CSMD1: variants seen among roughly 807,000 people sequenced by gnomAD.
CSMD1 encodes the protein CUB and Sushi multiple domains 1, also known as CUB and sushi domain-containing protein 1.
In CSMD1, 213 loss-of-function variants were observed where a neutral mutation model predicts 417.5. The ratio of observed to expected loss-of-function variants is 0.51; its 90% CI spans 0.46 to 0.57. CSMD1 has a LOEUF of 0.57. Among genes scored for constraint, CSMD1 ranks in the 20% least tolerant of loss-of-function variants. The pLI, the probability that CSMD1 is intolerant of heterozygous loss-of-function variation, is 0.00. For missense variants in CSMD1, 6,923 were observed against 4,529.7 expected (o/e 1.53, Z -15.17); for synonymous variants, 2,862 against 1,736.8 (o/e 1.65, Z -16.11).
chr8:4,323,362 T>C (rs764061313), intron 3 of CSMD1, among the ~76,000 whole-genome samples: 9 of 152,164 alleles, frequency 5.9e-5, no homozygotes, highest in Non-Finnish European at 1.3e-4. Context: ...TATAAACTTA[T>C]GTTCTTTCCT....
intron 5 of CSMD1, among the ~76,000 whole-genome samples, chr8:3,934,128 C>T (rs185774217): frequency 6.6e-6 from 1 of 152,218 alleles, no homozygotes; most frequent in East Asian, 1.9e-4. Flanking sequence ...TGATTACCCA[C>T]TTCACAAAAA....
At chr8:4,656,597 A>G (rs965420209) in intron 1 of CSMD1, among the ~76,000 whole-genome samples, 2 of 151,536 alleles carry the variant, frequency 1.3e-5, no homozygotes, top group Non-Finnish European at 2.9e-5. Context: ...AATTAGTTGA[A>G]TTTACTATGG....
intron 5 of CSMD1, among the ~76,000 whole-genome samples, chr8:3,854,173 C>G (rs1448743386): frequency 7.3e-6 from 1 of 137,444 alleles, no homozygotes; most frequent in Non-Finnish European, 1.5e-5. Context: ...AAAAAAAAAA[C>G]ACGTCTTGGA....
chr8:3,926,399 G>A (rs1379349782), intron 5 of CSMD1, among the ~76,000 whole-genome samples: 7 of 149,292 alleles, frequency 4.7e-5, no homozygotes, highest in South Asian at 2.1e-4. Flanking sequence ...GATTTTTTCT[G>A]TCTTTTGTTG....
intron 10 of CSMD1, among the ~76,000 whole-genome samples, chr8:3,540,134 C>T (rs998419086): frequency 6.6e-6 from 1 of 152,076 alleles, no homozygotes; most frequent in Non-Finnish European, 1.5e-5. Context: ...AGTTTCAATA[C>T]TTGGAAATTA....
At chr8:3,606,479 G>C (rs1020411393) in intron 8 of CSMD1, among the ~76,000 whole-genome samples, 2 of 146,860 alleles carry the variant, frequency 1.4e-5, no homozygotes, top group East Asian at 2.0e-4. Flanking sequence ...TGGTATGAAA[G>C]ACGGAAGATG....
chr8:3,593,124 T>C (rs996801234), intron 8 of CSMD1, among the ~76,000 whole-genome samples: 3 of 152,218 alleles, frequency 2.0e-5, no homozygotes, highest in East Asian at 3.9e-4. Flanking sequence ...CCAGAACTTG[T>C]CACTGGAGCT....
At chr8:4,676,759 A>G (rs961173549) in intron 1 of CSMD1, among the ~76,000 whole-genome samples, 1 of 151,904 alleles carries the variant, frequency 6.6e-6, no homozygotes, top group Non-Finnish European at 1.5e-5. Context: ...GTTTGTTCTT[A>G]GCCCACCAAA....
intron 49 of CSMD1, among the ~76,000 whole-genome samples, chr8:3,069,762 G>A (rs908642420): frequency 6.6e-6 from 1 of 152,302 alleles, no homozygotes; most frequent in African/African-American, 2.4e-5. Flanking sequence ...CCACTAAGCA[G>A]TGCCCCATTG....
At chr8:3,241,420 T>C (rs1274240030) in intron 26 of CSMD1, among the ~76,000 whole-genome samples, 2 of 152,120 alleles carry the variant, frequency 1.3e-5, no homozygotes, top group Non-Finnish European at 2.9e-5. Flanking sequence ...GAGAGTTACC[T>C]AAAGCTCGGC....
intron 6 of CSMD1, among the ~76,000 whole-genome samples, chr8:3,749,163 A>C (rs1278878744): frequency 3.3e-5 from 5 of 152,236 alleles, no homozygotes; most frequent in Admixed American, 1.3e-4. Flanking sequence ...GATTGTGCTT[A>C]CAAGGCACTT....
chr8:3,966,158 G>A (rs531997526), intron 5 of CSMD1, among the ~76,000 whole-genome samples: 2 of 152,090 alleles, frequency 1.3e-5, no homozygotes, highest in Non-Finnish European at 2.9e-5. Flanking sequence ...TCAGTTAATA[G>A]GACGGCAAAG....
chr8:4,426,501 T>G (rs1269461131), intron 2 of CSMD1, among the ~76,000 whole-genome samples: 1 of 147,784 alleles, frequency 6.8e-6, no homozygotes, highest in African/African-American at 2.5e-5. Flanking sequence ...AGTAAAGTTT[T>G]TATATATTTT....
chr8:4,583,035 A>C (rs1799506288), intron 2 of CSMD1, among the ~76,000 whole-genome samples: 2 of 152,106 alleles, frequency 1.3e-5, no homozygotes, highest in African/African-American at 4.8e-5. Flanking sequence ...GCTGTGCTCG[A>C]CTTCTCACCC....
At chr8:3,770,040 T>G (rs973105806) in intron 5 of CSMD1, among the ~76,000 whole-genome samples, 3 of 152,226 alleles carry the variant, frequency 2.0e-5, no homozygotes, top group African/African-American at 7.2e-5. Flanking sequence ...CTACCTTTGC[T>G]GTGATTCCTG....
At chr8:4,244,460 C>G (rs1407201251) in intron 3 of CSMD1, among the ~76,000 whole-genome samples, 1 of 151,868 alleles carries the variant, frequency 6.6e-6, no homozygotes, top group Non-Finnish European at 1.5e-5. Flanking sequence ...TTTAAAAAGC[C>G]AAAGTTATAA....
chr8:4,755,265 T>C (rs1811596515), intron 1 of CSMD1, among the ~76,000 whole-genome samples: 1 of 152,252 alleles, frequency 6.6e-6, no homozygotes, highest in African/African-American at 2.4e-5. Flanking sequence ...ACAATATTTA[T>C]GACTTTGCCT....
chr8:3,885,061 A>C (rs1806464867), intron 5 of CSMD1, among the ~76,000 whole-genome samples: 1 of 151,934 alleles, frequency 6.6e-6, no homozygotes, highest in South Asian at 2.1e-4. Context: ...CTATGATTCT[A>C]CCATGCTTAT....
chr8:4,024,405 G>A (rs967432328), intron 4 of CSMD1, among the ~76,000 whole-genome samples: 2 of 152,044 alleles, frequency 1.3e-5, no homozygotes, highest in Admixed American at 6.6e-5. Context: ...TACTTTCATG[G>A]GAAAACTTTA....
Sources: allele counts gnomAD v4.1 joint callset (sites outside exome capture counted in the v4.1 genomes callset), GRCh38; gene constraint gnomAD v4.1.1; transcripts MANE v1.5; gene names NCBI Gene and HGNC (gene_info 2026-07-23, HGNC 2026-07-21).